CENPX: variants seen among roughly 807,000 people sequenced by gnomAD.
CENPX encodes the protein centromere protein X.
A neutral mutation model predicts 13.2 loss-of-function variants in CENPX; 13 were observed. That is an observed-to-expected ratio of 0.98 (90% CI 0.64 to 1.56). The LOEUF is 1.56. CENPX is among the 40% of genes most tolerant of loss of function. CENPX has a pLI of 0.00. For synonymous variants in CENPX, 66 were observed against 47.2 expected, an observed-to-expected ratio of 1.40 and a Z score of -1.63; for missense variants, 138 against 107.5, an observed-to-expected ratio of 1.28 and a Z score of -1.26.
intron 1 of CENPX, chr17:82,022,575 C>A: frequency 1.8e-6 from 1 of 570,914 alleles, no homozygotes; most frequent in Non-Finnish European, 3.1e-6. Context: ...GCGCCCACCC[C>A]TGCCTGTTTC....
Position 82,019,064 on chromosome 17 carries a change from G to T in CENPX, c.*141C>A. On this transcript the variant is annotated 3_prime_UTR_variant, in exon 5 of 5. Transcript: ENST00000392359. ...TCCTGCCCCTTCTGCACAGGCTGGA[G>T]ACTCCCAGAGATCTTGTTTGAATCA... The T allele has an allele frequency of 7.9e-7, 1 of 1,267,488 alleles. No homozygotes were observed. Among genetic ancestry groups the T allele is most frequent in the Non-Finnish European group, 1.1e-6 (1 of 936,794 alleles). The allele number at this position is 1,267,488 out of a possible 1,614,324, so 78.5% of individuals were successfully genotyped here.
At chr17:82,022,582 T>C (rs371526719) in intron 1 of CENPX, 26 of 573,422 alleles carry the variant, frequency 4.5e-5, no homozygotes, top group East Asian at 2.3e-4. Flanking sequence ...CCCCTGCCTG[T>C]TTCTGCAGAC....
chr17:82,022,838 G>A lies in CENPX; in HGVS notation c.24C>T (p.Ser8=), dbSNP rs140085467. The change falls in exon 1 of 5, where the codon TCC becomes TCT. Residue 8 remains serine (S), a synonymous_variant. Transcript: ENST00000392359. MEGAGAG[S]GFRKELVSRL... is the part of the protein sequence containing the mutation. Reference sequence around the variant, plus strand: ...CTCCGGCCCTCACCTTCCGGAAGCCGGATCCAGCTCCTGCTCCCTCCATGA... The same window carrying A: ...CTCCGGCCCTCACCTTCCGGAAGCCAGATCCAGCTCCTGCTCCCTCCATGA... 59 of 1,592,700 alleles carry A rather than the reference G, an allele frequency of 3.7e-5. No individual in the cohort carries two copies. Among genetic ancestry groups the A allele is most frequent in the Middle Eastern group, 1.8e-4 (1 of 5,470 alleles).
chr17:82,019,615 G>A (rs1011336975), intron 3 of CENPX, 26 bp downstream of exon 3: 43 of 1,550,146 alleles, frequency 2.8e-5, no homozygotes, highest in East Asian at 1.5e-4. Context: ...TGCTGTGCCC[G>A]GAGGGAGCGT....
At chr17:82,021,234 T>C (rs1213729532) in intron 1 of CENPX, among the ~76,000 whole-genome samples, 1 of 151,868 alleles carries the variant, frequency 6.6e-6, no homozygotes, top group Non-Finnish European at 1.5e-5. Context: ...CATCCCGGCT[T>C]GTCCAGCATC....
At chr17:82,020,586 A>G (rs952566252) in intron 1 of CENPX, among the ~76,000 whole-genome samples, 14 of 152,034 alleles carry the variant, frequency 9.2e-5, no homozygotes, top group African/African-American at 3.1e-4. Context: ...CCATGGCAGG[A>G]AACTGGGAGT....
rs1160830002 is a variant in CENPX, at chr17:82,022,825, C to A, written c.36+1G>T. The stretch of plus-strand genomic sequence containing the variant: ...CCTAGCCCCTGCCCTCCGGCCCTCA[C>A]CTTCCGGAAGCCGGATCCAGCTCCT... On this transcript the variant is annotated splice_donor_variant, in intron 1 of 4. Transcript: ENST00000392359. LOFTEE classifies it high-confidence loss of function. The A allele has an allele frequency of 2.5e-6, 4 of 1,589,278 alleles. No homozygotes were observed. Among genetic ancestry groups the A allele is most frequent in the Non-Finnish European group, 3.4e-6 (4 of 1,170,666 alleles).
intron 1 of CENPX, 29 bp from the exon 2 acceptor site, chr17:82,019,938 G>GCC: frequency 6.5e-7 from 1 of 1,533,872 alleles, no homozygotes; most frequent in South Asian, 1.2e-5. Context: ...TCAGCGCCAC[G>GCC]CCCCGCCCTC....
chr17:82,022,595 T>C (rs1271223686), intron 1 of CENPX: 2 of 590,198 alleles, frequency 3.4e-6, no homozygotes, highest in African/African-American at 2.0e-5. Flanking sequence ...CTGCAGACCC[T>C]CTCCACCTTC....
intron 1 of CENPX, chr17:82,022,561 G>C (rs2043307380): frequency 1.8e-6 from 1 of 560,020 alleles, no homozygotes; most frequent in Non-Finnish European, 3.1e-6. Context: ...ACTCCGCCGT[G>C]ACGGCGCCCA....
At chr17:82,020,353 G>A (rs140867848) in intron 1 of CENPX, among the ~76,000 whole-genome samples, 305 of 152,352 alleles carry the variant, frequency 2.0e-3, no homozygotes, top group Non-Finnish European at 3.7e-3. Flanking sequence ...CTGCTCTGCA[G>A]GTGGGCTGGC....
Position 82,019,391 on chromosome 17 carries a change from GA to G in CENPX, c.143-11del, listed in dbSNP as rs751981485. 22 of 1,541,412 alleles carry G rather than the reference GA, an allele frequency of 1.4e-5. No individual in the cohort carries two copies. The highest frequency in any genetic ancestry group is 1.8e-5 in the Non-Finnish European group (21 of 1,145,888). Reference sequence around the variant, plus strand: ...CCGCGGACTGCTGCTTCTGCGGTGAGAAACGCGAGAGGTGGGGGATGCTGGG... The same window carrying G: ...CCGCGGACTGCTGCTTCTGCGGTGAGAACGCGAGAGGTGGGGGATGCTGGG... On this transcript the variant is annotated splice_polypyrimidine_tract_variant and intron_variant, in intron 3 of 4. Coordinates refer to ENST00000392359, the MANE Select transcript of CENPX (RefSeq NM_001271006.2).
At chr17:82,020,001 C>G in intron 1 of CENPX, 92 bp from the exon 2 acceptor site, 2 of 1,248,698 alleles carry the variant, frequency 1.6e-6, no homozygotes, top group East Asian at 2.6e-5. Context: ...GCTGTGACTT[C>G]TGGCTGGAGA....
intron 1 of CENPX, among the ~76,000 whole-genome samples, chr17:82,020,356 G>A (rs2043260032): frequency 6.6e-6 from 1 of 152,248 alleles, no homozygotes; most frequent in Admixed American, 6.5e-5. Context: ...CTCTGCAGGT[G>A]GGCTGGCCTG....
Position 82,019,287 on chromosome 17 carries a change from A to C in CENPX, c.231+6T>G. ...CCCACTTGCGCCCCGACCCACGCTC[A>C]CGCACCAGCTGCGGAAGCACCTTCT... On this transcript the variant is annotated splice_donor_region_variant and intron_variant, in intron 4 of 4. Coordinates refer to ENST00000392359, the MANE Select transcript of CENPX (RefSeq NM_001271006.2). 6.3e-7 allele frequency: 1 copy of C among 1,597,854 alleles called. No homozygotes were observed. Among genetic ancestry groups the C allele is most frequent in the Non-Finnish European group, 8.5e-7 (1 of 1,172,094 alleles).
chr17:82,022,448 T>C (rs1427194977), intron 1 of CENPX, among the ~76,000 whole-genome samples: 3 of 152,062 alleles, frequency 2.0e-5, no homozygotes, highest in Non-Finnish European at 4.4e-5. Context: ...GGCTGGACGA[T>C]CTCACTGTCC....
intron 1 of CENPX, 102 bp from the exon 2 acceptor site, chr17:82,020,011 A>T: frequency 1.2e-5 from 14 of 1,159,692 alleles, no homozygotes; most frequent in Non-Finnish European, 1.7e-5. Flanking sequence ...CTGGCTGGAG[A>T]CGCCCTCTGT....
chr17:82,021,708 T>C (rs1202614169), intron 1 of CENPX, among the ~76,000 whole-genome samples: 11 of 152,178 alleles, frequency 7.2e-5, no homozygotes, highest in Admixed American at 1.3e-4. Flanking sequence ...GTGGGCTTGA[T>C]AGAACACATG....
rs752047283 is a variant in CENPX, at chr17:82,019,184, C to T, written c.*21G>A. On this transcript the variant is annotated 3_prime_UTR_variant, in exon 5 of 5. Transcript: ENST00000392359. Reference sequence around the variant, plus strand: ...GGACCAGGGGCTCCTCTGGGGGTGGCCTCAGCCACGGCTGAGATCCCTAGA... The same window carrying T: ...GGACCAGGGGCTCCTCTGGGGGTGGTCTCAGCCACGGCTGAGATCCCTAGA... The T allele has an allele frequency of 1.2e-5, 18 of 1,549,388 alleles. No homozygotes were observed. The highest frequency in any genetic ancestry group is 1.6e-5 in the Non-Finnish European group (18 of 1,143,776).
Sources: allele counts gnomAD v4.1 joint callset (sites outside exome capture counted in the v4.1 genomes callset), GRCh38; gene constraint gnomAD v4.1.1; transcripts MANE v1.5; gene names NCBI Gene and HGNC (gene_info 2026-07-23, HGNC 2026-07-21).